The following LDLRAD3 variants were observed in gnomAD, a reference collection of about 807,000 sequenced individuals.
LDLRAD3 encodes low-density lipoprotein receptor class A domain-containing protein 3.
Under a neutral mutation model 29.4 loss-of-function variants are expected in LDLRAD3, and 20 were observed. The observed-to-expected ratio is 0.68, with a 90% CI of 0.48 to 0.99. LDLRAD3 has a LOEUF of 0.99. LDLRAD3 is among the 50% of genes least tolerant of loss of function. LDLRAD3 has a pLI of 0.00. For missense variants in LDLRAD3, 420 were observed against 454.3 expected, an observed-to-expected ratio of 0.92 and a Z score of 0.69; for synonymous variants, 157 against 192.7, an observed-to-expected ratio of 0.81 and a Z score of 1.53.
intron 4 of LDLRAD3, among the ~76,000 whole-genome samples, chr11:36,100,429 C>T (rs562452469): frequency 1.3e-5 from 2 of 152,172 alleles, no homozygotes; most frequent in African/African-American, 4.8e-5. Context: ...TTTTCTATGG[C>T]GATTGTTTCT....
At chr11:36,034,780 A>T (rs1272892018) in intron 1 of LDLRAD3, among the ~76,000 whole-genome samples, 1 of 152,238 alleles carries the variant, frequency 6.6e-6, no homozygotes, top group Non-Finnish European at 1.5e-5. Flanking sequence ...GTCAGAGGAA[A>T]GGCGACATAT....
chr11:36,099,140 C>A (rs935022492), intron 4 of LDLRAD3, among the ~76,000 whole-genome samples: 1 of 152,100 alleles, frequency 6.6e-6, no homozygotes, highest in Non-Finnish European at 1.5e-5. Flanking sequence ...TGAATTGCCT[C>A]CTTGTGTCTG....
At chr11:36,079,985 G>A (rs1853085712) in intron 2 of LDLRAD3, among the ~76,000 whole-genome samples, 1 of 152,200 alleles carries the variant, frequency 6.6e-6, no homozygotes, top group African/African-American at 2.4e-5. Context: ...CCAGTACCAT[G>A]ACAGAAGTTC....
At chr11:35,972,775 G>A (rs1029320555) in intron 1 of LDLRAD3, 2 of 152,172 alleles carry the variant, frequency 1.3e-5, no homozygotes, top group African/African-American at 2.4e-5. Flanking sequence ...AAGAGGTCAG[G>A]CGCGGTGGCT....
chr11:35,999,695 C>A (rs570588021), intron 1 of LDLRAD3, among the ~76,000 whole-genome samples: 5 of 152,348 alleles, frequency 3.3e-5, no homozygotes, highest in African/African-American at 1.2e-4. Context: ...TGTATCACCT[C>A]TTTGTCTTTT....
intron 1 of LDLRAD3, among the ~76,000 whole-genome samples, chr11:35,985,081 A>T (rs1177011107): frequency 6.6e-6 from 1 of 151,994 alleles, no homozygotes; most frequent in Non-Finnish European, 1.5e-5. Flanking sequence ...GCATGCCATC[A>T]TGCCAGGCTC....
At chr11:36,068,391 C>G (rs1852832134) in intron 2 of LDLRAD3, among the ~76,000 whole-genome samples, 1 of 152,196 alleles carries the variant, frequency 6.6e-6, no homozygotes, top group Non-Finnish European at 1.5e-5. Flanking sequence ...ATTTTCACAA[C>G]AGCTTGGGAG....
chr11:36,155,700 T>C (rs1319741196), intron 4 of LDLRAD3, among the ~76,000 whole-genome samples: 1 of 152,220 alleles, frequency 6.6e-6, no homozygotes, highest in African/African-American at 2.4e-5. Flanking sequence ...AACATAGTTA[T>C]CCATCACTTT....
chr11:35,955,607 C>T (rs1196365756), intron 1 of LDLRAD3, among the ~76,000 whole-genome samples: 2 of 152,054 alleles, frequency 1.3e-5, no homozygotes, highest in Non-Finnish European at 2.9e-5. Flanking sequence ...TAGCATTAAG[C>T]ATTAAAATAG....
intron 2 of LDLRAD3, among the ~76,000 whole-genome samples, chr11:36,043,621 A>G (rs1852410084): frequency 6.6e-6 from 1 of 152,226 alleles, no homozygotes; most frequent in Non-Finnish European, 1.5e-5. Flanking sequence ...TAAGACGATA[A>G]TATGAAGATA....
At chr11:36,127,269 G>A (rs548110228) in intron 4 of LDLRAD3, among the ~76,000 whole-genome samples, 1 of 152,290 alleles carries the variant, frequency 6.6e-6, no homozygotes, top group East Asian at 1.9e-4. Context: ...ATATGGAATT[G>A]GGGTTAAACA....
chr11:36,203,906 TGA>T (rs1191329462), intron 4 of LDLRAD3, among the ~76,000 whole-genome samples: 1 of 152,074 alleles, frequency 6.6e-6, no homozygotes, highest in East Asian at 1.9e-4. Flanking sequence ...GAATAGTGTG[TGA>T]TTTCTGAAGG....
At chr11:36,029,855 T>C (rs1852213918) in intron 1 of LDLRAD3, among the ~76,000 whole-genome samples, 1 of 152,190 alleles carries the variant, frequency 6.6e-6, no homozygotes, top group Non-Finnish European at 1.5e-5. Context: ...CATGGCACAG[T>C]AGGCAGCTAG....
chr11:36,196,571 G>A (rs1855036223), intron 4 of LDLRAD3: 1 of 152,232 alleles, frequency 6.6e-6, no homozygotes, highest in Non-Finnish European at 1.5e-5. Flanking sequence ...AATTCTTCCA[G>A]TTTTATCTCC....
At chr11:36,025,170 G>T (rs1030993445) in intron 1 of LDLRAD3, among the ~76,000 whole-genome samples, 7 of 151,986 alleles carry the variant, frequency 4.6e-5, no homozygotes, top group Non-Finnish European at 1.0e-4. Flanking sequence ...TAGTTGGTGG[G>T]GTTTTTGAAG....
At chr11:36,170,922 C>T (rs1388195650) in intron 4 of LDLRAD3, among the ~76,000 whole-genome samples, 1 of 152,034 alleles carries the variant, frequency 6.6e-6, no homozygotes, top group East Asian at 1.9e-4. Context: ...CTGCGTCAGC[C>T]TCCCGAGTAG....
chr11:36,120,800 G>C (rs556369714), intron 4 of LDLRAD3, among the ~76,000 whole-genome samples: 1 of 152,168 alleles, frequency 6.6e-6, no homozygotes, highest in African/African-American at 2.4e-5. Context: ...TGTATTAGGA[G>C]ATGAGGCCCT....
At chr11:36,210,505 CTT>C (rs900244748) in intron 4 of LDLRAD3, among the ~76,000 whole-genome samples, 2 of 152,110 alleles carry the variant, frequency 1.3e-5, no homozygotes, top group Non-Finnish European at 2.9e-5. Context: ...GAATGAGTAA[CTT>C]TGAATCCTCC....
At chr11:36,195,134 G>T (rs1055234739) in intron 4 of LDLRAD3, among the ~76,000 whole-genome samples, 5 of 152,178 alleles carry the variant, frequency 3.3e-5, no homozygotes, top group African/African-American at 1.2e-4. Flanking sequence ...AAAGACATCA[G>T]CTTCTAGAAA....
Sources: allele counts gnomAD v4.1 joint callset (sites outside exome capture counted in the v4.1 genomes callset), GRCh38; gene constraint gnomAD v4.1.1; transcripts MANE v1.5; gene names NCBI Gene and HGNC (gene_info 2026-07-23, HGNC 2026-07-21).